RAPGEF2: variants seen among roughly 807,000 people sequenced by gnomAD.
The protein encoded by RAPGEF2 is Rap guanine nucleotide exchange factor 2.
A neutral mutation model predicts 186.7 loss-of-function variants in RAPGEF2; 54 were observed. That is an observed-to-expected ratio of 0.29 (90% confidence interval 0.23 to 0.36). The LOEUF is 0.36. RAPGEF2 is among the 10% of genes least tolerant of loss of function. The pLI, the probability that RAPGEF2 is intolerant of heterozygous loss-of-function variation, is 1.00. For synonymous variants in RAPGEF2, 712 were observed against 705.9 expected (o/e 1.01, Z -0.14); for missense variants, 1,532 against 2,045.0 (o/e 0.75, Z 4.84).
rs1344596193 is a variant in RAPGEF2, at chr4:159,343,009, G to A, written c.2949G>A (p.Leu983=). The change falls in exon 21 of 30, where the codon CTG becomes CTA. Residue 983 remains leucine, a synonymous_variant. Coordinates refer to ENST00000691494, the MANE Select transcript of RAPGEF2 (RefSeq NM_001394067.2). ...SGLNLAPVAR[L]RTTWEKLPNK... ...TAAACCTGGCACCAGTGGCAAGACT[G>A]CGAACGACCTGGGAGAAACTTCCCA... 1 of 1,613,970 alleles carries A rather than the reference G, an allele frequency of 6.2e-7. No homozygotes were observed. The highest frequency in any genetic ancestry group is 1.3e-5 in the African/African-American group (1 of 75,016).
intron 1 of RAPGEF2, among the ~76,000 whole-genome samples, chr4:159,176,486 C>G (rs1746464432): frequency 6.6e-6 from 1 of 151,930 alleles, no homozygotes; most frequent in South Asian, 2.1e-4. Context: ...TTGGGAAATA[C>G]TGCAAAAAAA....
chr4:159,131,519 A>ATTGTT lies in RAPGEF2; in HGVS notation c.69+27290_69+27291insGTTTT. Among the ~76,000 whole-genome samples the ATTGTT allele has an allele frequency of 7.5e-3, 278 of 37,148 alleles. 7 individuals are homozygous for ATTGTT. Among genetic ancestry groups the ATTGTT allele is most frequent in the Admixed American group, 9.7e-3 (29 of 2,978 alleles). 24.4% of individuals were successfully genotyped at this position (37,148 alleles called of 152,430 possible). ...TGATATCTTTGTCTGATTAATTGCT[A>ATTGTT]TTTTTTTTTTTTTTTTTTTTTTTTT... On this transcript the variant is annotated intron_variant, in intron 1 of 29. Transcript: ENST00000691494.
intron 3 of RAPGEF2, among the ~76,000 whole-genome samples, chr4:159,205,079 A>C (rs1447990623): frequency 6.6e-6 from 1 of 152,304 alleles, no homozygotes; most frequent in East Asian, 1.9e-4. Context: ...AGTTGCATGG[A>C]TATTAATAGA....
chr4:159,350,226 A>T lies in RAPGEF2; in HGVS notation c.3802A>T (p.Ile1268Leu). 2 of 1,600,814 alleles carry T rather than the reference A, an allele frequency of 1.2e-6. No individual in the cohort carries two copies. The highest frequency in any genetic ancestry group is 1.7e-6 in the Non-Finnish European group (2 of 1,173,432). Residue 1268 changes from isoleucine to leucine, a missense_variant, in exon 26 of 30, where the codon ATA (isoleucine) becomes TTA (leucine). By Grantham distance (5) the Ile-to-Leu change is conservative. Around this residue, in one of 4 missense-constraint regions of RAPGEF2, gnomAD observed 594 missense variants for 608.5 expected, o/e 0.98. Coordinates refer to ENST00000691494, the MANE Select transcript of RAPGEF2 (RefSeq NM_001394067.2). ...TCACAAGAAACAGGCTGAAGATACA[A>T]TATCAAATGCATCTTCGCAGCTTTC... ...ERHKKQAEDT[I>L]SNASSQLSSP...
At chr4:159,324,675 G>T (rs1321682921) in intron 11 of RAPGEF2, among the ~76,000 whole-genome samples, 1 of 152,020 alleles carries the variant, frequency 6.6e-6, no homozygotes, top group East Asian at 1.9e-4. Flanking sequence ...CTAATAAAAA[G>T]AAAATACTTG....
intron 3 of RAPGEF2, 61 bp downstream of exon 3, chr4:159,193,317 T>C (rs1748309677): frequency 9.2e-7 from 1 of 1,082,736 alleles, no homozygotes; most frequent in Non-Finnish European, 1.3e-6. Flanking sequence ...TTTCTTAAAG[T>C]ATCAAAGGAG....
chr4:159,186,775 A>T (rs1330959546), intron 2 of RAPGEF2, 63 bp downstream of exon 2: 2 of 918,584 alleles, frequency 2.2e-6, no homozygotes, highest in African/African-American at 3.4e-5. Flanking sequence ...GTAACAATTT[A>T]ACATTTTAAT....
intron 11 of RAPGEF2, among the ~76,000 whole-genome samples, chr4:159,324,420 A>C (rs192393462): frequency 2.0e-5 from 3 of 152,340 alleles, no homozygotes; most frequent in African/African-American, 7.2e-5. Context: ...ACTGCACGTA[A>C]CTATGTGTTC....
chr4:159,154,085 T>C (rs1743852594), intron 1 of RAPGEF2, among the ~76,000 whole-genome samples: 1 of 152,202 alleles, frequency 6.6e-6, no homozygotes, highest in African/African-American at 2.4e-5. Context: ...AAAATTAGGG[T>C]TGAATAGATG....
intron 7 of RAPGEF2, among the ~76,000 whole-genome samples, chr4:159,253,093 A>G (rs1755665906): frequency 6.6e-6 from 1 of 152,184 alleles, no homozygotes. Context: ...TGAAGTATGT[A>G]AAGTATATGA....
Position 159,104,173 on chromosome 4 carries a change from A to C in RAPGEF2, c.11A>C (p.Tyr4Ser). 1.3e-6 allele frequency: 2 copies of C among 1,526,898 alleles called. No homozygotes were observed. Among genetic ancestry groups the C allele is most frequent in the Non-Finnish European group, 1.8e-6 (2 of 1,141,578 alleles). The allele number at this position is 1,526,898 out of a possible 1,614,324, so 94.6% of individuals were successfully genotyped here. Residue 4 changes from tyrosine to serine, a missense_variant, in exon 1 of 30, where the codon TAC becomes TCC. Physicochemically the swap from Tyr to Ser is moderately radical, Grantham distance 144 (BLOSUM62 -2). Transcript: ENST00000691494. ...GCTCCCAGAGGGGAGATGGCGTCCT[A>C]CGTAGATAACAGCTTCCGCCAGGCG... MAS[Y>S]VDNSFRQAVM...
At chr4:159,222,291 G>A (rs986657207) in intron 4 of RAPGEF2, among the ~76,000 whole-genome samples, 4 of 152,154 alleles carry the variant, frequency 2.6e-5, no homozygotes, top group African/African-American at 4.8e-5. Flanking sequence ...TGGAACACTG[G>A]GATTGGTAGT....
At chr4:159,115,500 T>A (rs9307985) in intron 1 of RAPGEF2, among the ~76,000 whole-genome samples, 95,325 of 151,920 alleles carry the variant, frequency 0.63, 30,717 homozygotes, top group African/African-American at 0.78. Flanking sequence ...TTTGACATTC[T>A]TCCATGTATT....
chr4:159,237,454 A>G (rs780250404), intron 4 of RAPGEF2, among the ~76,000 whole-genome samples: 1 of 152,200 alleles, frequency 6.6e-6, no homozygotes, highest in Non-Finnish European at 1.5e-5. Context: ...GATGTGGTCA[A>G]GATAGTTTGC....
intron 1 of RAPGEF2, among the ~76,000 whole-genome samples, chr4:159,164,796 T>C (rs909887567): frequency 6.6e-6 from 1 of 152,190 alleles, no homozygotes; most frequent in Non-Finnish European, 1.5e-5. Context: ...ATAATAAATT[T>C]AGCCCAATAT....
At chr4:159,150,085 G>A (rs1743374974) in intron 1 of RAPGEF2, among the ~76,000 whole-genome samples, 1 of 151,862 alleles carries the variant, frequency 6.6e-6, no homozygotes, top group Non-Finnish European at 1.5e-5. Context: ...ATTGTTATTA[G>A]CAGTATCAAT....
intron 11 of RAPGEF2, among the ~76,000 whole-genome samples, chr4:159,325,017 T>G (rs889331633): frequency 6.6e-6 from 1 of 152,212 alleles, no homozygotes; most frequent in Non-Finnish European, 1.5e-5. Context: ...CATAATTGAA[T>G]TTTTACAGTG....
chr4:159,173,003 A>T (rs183661518), intron 1 of RAPGEF2, among the ~76,000 whole-genome samples: 1 of 152,250 alleles, frequency 6.6e-6, no homozygotes, highest in Admixed American at 6.5e-5. Flanking sequence ...CAGACCTAAA[A>T]TTTCTTTAGC....
chr4:159,267,618 CT>C (rs1561176571), intron 7 of RAPGEF2: 3 of 582,360 alleles, frequency 5.2e-6, no homozygotes, highest in Non-Finnish European at 7.1e-6. Flanking sequence ...CTTTCATTTT[CT>C]TTTTTTCTCT....
Sources: gnomAD v4.1 joint callset for allele counts (sites outside exome capture counted in the v4.1 genomes callset) on GRCh38, gnomAD v4.1.1 for gene constraint, gnomAD v4.1.1 regional missense constraint, MANE v1.5 for transcripts, NCBI Gene and HGNC (gene_info 2026-07-23, HGNC 2026-07-21) for gene names.